The following FRAS1 variants were observed in gnomAD, a reference collection of about 807,000 sequenced individuals.
The protein encoded by FRAS1 is extracellular matrix organizing protein FRAS1.
Under a neutral mutation model 435.2 loss-of-function variants are expected in FRAS1, and 290 were observed. That is an observed-to-expected ratio of 0.67 (90% CI 0.61 to 0.73). The LOEUF is 0.73. Among genes scored for constraint, FRAS1 ranks in the 30% least tolerant of loss-of-function variants. FRAS1 has a pLI of 0.00. For missense variants in FRAS1, 4,860 were observed against 5,001.5 expected, an observed-to-expected ratio of 0.97 and a Z score of 0.85; for synonymous variants, 1,800 against 1,851.0, an observed-to-expected ratio of 0.97 and a Z score of 0.71.
intron 6 of FRAS1, among the ~76,000 whole-genome samples, chr4:78,263,714 A>C (rs1019350708): frequency 6.6e-6 from 1 of 152,236 alleles, no homozygotes; most frequent in African/African-American, 2.4e-5. Context: ...TTCAATTTCC[A>C]CATATTCCAT....
intron 29 of FRAS1, among the ~76,000 whole-genome samples, chr4:78,391,990 G>T (rs1560700548): frequency 8.8e-6 from 1 of 113,396 alleles, no homozygotes. Context: ...TTCACCTTTT[G>T]GGGGGGTTTG....
rs373473981 is a variant in FRAS1 at position 78,499,811 on chromosome 4, G to T, written c.9206G>T (p.Arg3069Leu). 4.3e-6 allele frequency: 7 copies of T among 1,613,676 alleles called. No individual in the cohort carries two copies. The highest frequency in any genetic ancestry group is 2.2e-5 in the South Asian group (2 of 91,072). The change falls in exon 61 of 74, where the codon CGC (arginine) becomes CTC (leucine). Residue 3069 changes from arginine (R) to leucine (L), a missense_variant. By Grantham distance (102) the Arg-to-Leu change is moderately radical (BLOSUM62 -2). Coordinates refer to ENST00000512123, the MANE Select transcript of FRAS1 (RefSeq NM_025074.7). ...GCGATTCTGAACATCAAGGTGATCC[G>T]CAGAGGGGATCAGAACAGGACCTCC... is the stretch of plus-strand genomic sequence containing the variant. ...AIAILNIKVIRRGDQNRTSKV... is the reference protein window; with the variant it reads ...AIAILNIKVILRGDQNRTSKV...
intron 2 of FRAS1, among the ~76,000 whole-genome samples, chr4:78,194,370 A>G (rs959980424): frequency 2.6e-5 from 4 of 152,158 alleles, no homozygotes; most frequent in Non-Finnish European, 5.9e-5. Context: ...AGAGTGTTTT[A>G]CAACTTGGTT....
At chr4:78,215,451 C>T (rs1723725896) in intron 2 of FRAS1, among the ~76,000 whole-genome samples, 1 of 152,172 alleles carries the variant, frequency 6.6e-6, no homozygotes, top group African/African-American at 2.4e-5. Flanking sequence ...GCCTTGGCCT[C>T]CCAAAGTGCT....
intron 2 of FRAS1, among the ~76,000 whole-genome samples, chr4:78,142,507 C>A (rs1367015906): frequency 6.6e-6 from 1 of 151,914 alleles, no homozygotes; most frequent in Non-Finnish European, 1.5e-5. Context: ...ACAAAAAGAT[C>A]CGTCAGGGTT....
intron 2 of FRAS1, among the ~76,000 whole-genome samples, chr4:78,231,301 T>G (rs550539541): frequency 3.6e-4 from 55 of 150,962 alleles, no homozygotes; most frequent in African/African-American, 1.3e-3. Flanking sequence ...AAATTATATA[T>G]ATATATAAAT....
intron 28 of FRAS1, among the ~76,000 whole-genome samples, 193 bp from the exon 29 acceptor site, chr4:78,387,182 G>A (rs910115521): frequency 6.6e-6 from 1 of 152,206 alleles, no homozygotes; most frequent in Non-Finnish European, 1.5e-5. Flanking sequence ...CCAGAGGTGT[G>A]AAGTAACCTT....
chr4:78,080,557 G>T (rs187095268), intron 2 of FRAS1, among the ~76,000 whole-genome samples: 130 of 152,242 alleles, frequency 8.5e-4, no homozygotes, highest in Admixed American at 7.9e-4. Context: ...TTGTGCATGT[G>T]AACAGTTGGT....
At chr4:78,197,755 C>T (rs1158888151) in intron 2 of FRAS1, among the ~76,000 whole-genome samples, 1 of 152,040 alleles carries the variant, frequency 6.6e-6, no homozygotes, top group East Asian at 1.9e-4. Flanking sequence ...TCCTGGCTAA[C>T]ACGGTGAAAC....
intron 7 of FRAS1, among the ~76,000 whole-genome samples, chr4:78,265,414 A>G (rs554199239): frequency 2.6e-5 from 4 of 152,332 alleles, no homozygotes; most frequent in African/African-American, 9.6e-5. Context: ...ATCAGTTTAC[A>G]TTTAGCTTTG....
chr4:78,141,094 G>C (rs999866482), intron 2 of FRAS1, among the ~76,000 whole-genome samples: 1 of 152,024 alleles, frequency 6.6e-6, no homozygotes, highest in African/African-American at 2.4e-5. Context: ...TGTGCAGAAT[G>C]TGCAGGTTTG....
At chr4:78,537,829 A>C (rs1483584146) in intron 72 of FRAS1, among the ~76,000 whole-genome samples, 2 of 152,012 alleles carry the variant, frequency 1.3e-5, no homozygotes, top group Non-Finnish European at 2.9e-5. Flanking sequence ...ACTTGTAGTC[A>C]CAGCTACTTG....
intron 35 of FRAS1, 123 bp from the exon 36 acceptor site, chr4:78,428,972 C>T: frequency 2.1e-6 from 2 of 963,924 alleles, no homozygotes; most frequent in Non-Finnish European, 3.0e-6. Context: ...AAAAAAGTTT[C>T]TAGCTACATA....
At chr4:78,220,111 T>A (rs1048516903) in intron 2 of FRAS1, among the ~76,000 whole-genome samples, 11 of 152,324 alleles carry the variant, frequency 7.2e-5, no homozygotes, top group African/African-American at 2.6e-4. Context: ...ATCTCCAAAT[T>A]GACCAGAATC....
intron 2 of FRAS1, chr4:78,180,943 G>A (rs1441572159): frequency 5.6e-6 from 9 of 1,610,024 alleles, no homozygotes; most frequent in South Asian, 1.1e-5. Flanking sequence ...CTGCTGCCAC[G>A]GTTTGGGCGC....
intron 9 of FRAS1, among the ~76,000 whole-genome samples, chr4:78,275,829 T>G (rs1001890087): frequency 6.6e-6 from 1 of 152,146 alleles, no homozygotes; most frequent in African/African-American, 2.4e-5. Context: ...CTTTGTGGCG[T>G]TCTCTGTATT....
intron 11 of FRAS1, among the ~76,000 whole-genome samples, chr4:78,281,829 A>T (rs566612907): frequency 6.6e-6 from 1 of 152,276 alleles, no homozygotes; most frequent in Admixed American, 6.5e-5. Flanking sequence ...AACAATCTCA[A>T]GTTTATTCTC....
At position 78,252,551 on chromosome 4, in the gene FRAS1, A is replaced by T. The variant is rs1324592860; in HGVS notation, c.469A>T (p.Lys157Ter). The T allele has an allele frequency of 3.1e-6, 5 of 1,612,326 alleles. No homozygotes were observed. The highest frequency in any genetic ancestry group is 4.2e-6 in the Non-Finnish European group (5 of 1,179,112). The stretch of plus-strand genomic sequence containing the variant: ...CTGCCCAGTTTGTGTGGGCCTTGGG[A>T]GTGAGTATGAGCTTGTAGAAGGGGA... ...SCCPVCVGLG[K>*]PCSYEGHVFQ... is the part of the protein sequence containing the mutation. Residue 157 changes from lysine to a stop codon, truncating the protein, a stop_gained and splice_region_variant, in exon 5 of 74, where the codon AAA (lysine) becomes TAA (stop). Transcript: ENST00000512123. LOFTEE classifies it high-confidence loss of function.
intron 63 of FRAS1, among the ~76,000 whole-genome samples, chr4:78,509,423 A>G (rs1180990351): frequency 6.6e-6 from 1 of 151,866 alleles, no homozygotes; most frequent in African/African-American, 2.4e-5. Context: ...TCGTTCAATA[A>G]GTATTAACAC....
Sources: gnomAD v4.1 joint callset for allele counts (sites outside exome capture counted in the v4.1 genomes callset) on GRCh38, gnomAD v4.1.1 for gene constraint, MANE v1.5 for transcripts, NCBI Gene and HGNC (gene_info 2026-07-23, HGNC 2026-07-21) for gene names.